The following ELP3 variants were observed in gnomAD, a reference collection of about 807,000 sequenced individuals.
The protein encoded by ELP3 is elongator complex protein 3.
In ELP3, 56 loss-of-function variants were observed where a neutral mutation model predicts 74.9. The ratio of observed to expected loss-of-function variants is 0.75; its 90% CI spans 0.60 to 0.93. The LOEUF (loss-of-function observed/expected upper bound fraction) is 0.93, where lower values mean the gene tolerates loss of function less well. Ranked by LOEUF, ELP3 falls within the 40% of genes least tolerant of loss-of-function variation. The pLI, the probability that ELP3 is intolerant of heterozygous loss-of-function variation, is 0.00. For synonymous variants in ELP3, 222 were observed against 239.8 expected, an observed-to-expected ratio of 0.93 and a Z score of 0.68; for missense variants, 573 against 686.5, an observed-to-expected ratio of 0.83 and a Z score of 1.85.
At position 28,179,345 on chromosome 8, in the gene ELP3, G is replaced by A. The variant is rs115432109; in HGVS notation, c.1568-10304G>A. 6.7e-3 allele frequency among the ~76,000 whole-genome samples: 1,027 copies of A among 152,238 alleles called. 10 individuals carry two copies. Among genetic ancestry groups the A allele is most frequent in the African/African-American group, 0.023 (951 of 41,534 alleles). On this transcript the variant is annotated intron_variant, in intron 14 of 14. Transcript: ENST00000256398. ...CTGTTTTACTGTTGATGGATATTTC[G>A]GTAGTTTGCACACATTGTTTTCTTT...
chr8:28,090,903 C>CTTTTTTTTTTTTT (rs1563239681), upstream of ELP3, among the ~76,000 whole-genome samples: 1 of 53,146 alleles, frequency 1.9e-5, no homozygotes. Context: ...GTAAATGTTT[C>CTTTTTTTTTTTTT]CTTTTTTTTT....
chr8:28,146,500 A>G (rs1333231512), intron 10 of ELP3, among the ~76,000 whole-genome samples: 2 of 152,222 alleles, frequency 1.3e-5, no homozygotes, highest in Non-Finnish European at 2.9e-5. Context: ...ATGTTCTTGT[A>G]TGTAATCGAT....
At chr8:28,095,185 T>A (rs1811205598) in intron 1 of ELP3, among the ~76,000 whole-genome samples, 1 of 152,244 alleles carries the variant, frequency 6.6e-6, no homozygotes, top group East Asian at 1.9e-4. Flanking sequence ...TGTCCAAATC[T>A]TGCCCTATCT....
At chr8:28,152,089 T>G (rs1325227615) in intron 10 of ELP3, among the ~76,000 whole-genome samples, 1 of 152,160 alleles carries the variant, frequency 6.6e-6, no homozygotes, top group Non-Finnish European at 1.5e-5. Flanking sequence ...GAGTCTCTGG[T>G]CTCTGTTCTG....
chr8:28,090,357 G>A (rs1475025754), upstream of ELP3: 1 of 381,290 alleles, frequency 2.6e-6, no homozygotes. Flanking sequence ...CAACTCTGGA[G>A]CCCAGGATGT....
At chr8:28,180,706 G>A (rs1417440699) in intron 14 of ELP3, among the ~76,000 whole-genome samples, 1 of 152,174 alleles carries the variant, frequency 6.6e-6, no homozygotes, top group Non-Finnish European at 1.5e-5. Flanking sequence ...GTTTCCTTTA[G>A]CCAGGCATCT....
At chr8:28,132,167 G>A in intron 8 of ELP3, 111 bp from the exon 9 acceptor site, 3 of 1,175,714 alleles carry the variant, frequency 2.6e-6, no homozygotes, top group Admixed American at 4.3e-5. Flanking sequence ...ACCTGTCTCA[G>A]AGATTGTTTT....
intron 14 of ELP3, among the ~76,000 whole-genome samples, chr8:28,184,185 A>G (rs1815139654): frequency 6.6e-6 from 1 of 152,178 alleles, no homozygotes; most frequent in African/African-American, 2.4e-5. Context: ...AACAAGAGGC[A>G]GAAAGAAATT....
rs1245086293 is a variant in ELP3, at chr8:28,113,061, G to C, written c.505G>C (p.Val169Leu). ...TAGTGTGGATAAAGTGGAGTTTATT[G>C]TGATGGGTGGAACGTTTATGGCCCT... ...GHSVDKVEFI[V>L]MGGTFMALPE... is the part of the protein sequence containing the mutation. Residue 169 changes from valine (V) to leucine (L), a missense_variant, in exon 7 of 15, where the codon GTG becomes CTG. Transcript: ENST00000256398. 6.2e-7 allele frequency: 1 copy of C among 1,613,898 alleles called. No homozygotes were observed. Among genetic ancestry groups the C allele is most frequent in the Non-Finnish European group, 8.5e-7 (1 of 1,179,910 alleles).
At chr8:28,102,938 G>A (rs1481522928) in intron 3 of ELP3, among the ~76,000 whole-genome samples, 1 of 152,200 alleles carries the variant, frequency 6.6e-6, no homozygotes, top group Non-Finnish European at 1.5e-5. Context: ...GGGAGGCTGA[G>A]GCAGGCAGAT....
chr8:28,167,547 C>A (rs1814356092), intron 14 of ELP3, among the ~76,000 whole-genome samples: 1 of 152,180 alleles, frequency 6.6e-6, no homozygotes, highest in Non-Finnish European at 1.5e-5. Context: ...AAAATGGACT[C>A]ATAATCCTTA....
At chr8:28,167,704 C>T (rs1814362305) in intron 14 of ELP3, among the ~76,000 whole-genome samples, 1 of 151,122 alleles carries the variant, frequency 6.6e-6, no homozygotes, top group South Asian at 2.1e-4. Flanking sequence ...AGTGTTTGTC[C>T]TTTTGTACTA....
chr8:28,154,683 C>T (rs1004869312), intron 10 of ELP3, among the ~76,000 whole-genome samples: 1 of 152,014 alleles, frequency 6.6e-6, no homozygotes, highest in Non-Finnish European at 1.5e-5. Context: ...ATATTTTTTA[C>T]TTTAGTAGCC....
In ELP3 at chr8:28,147,157, A is replaced by G. The variant is rs1813466390; in HGVS notation, c.1101-8785A>G. On this transcript the variant is annotated intron_variant, in intron 10 of 14. Transcript: ENST00000256398. This position sits in a 1 kb window ranked among gnomAD's most constrained non-coding sequence, Gnocchi z 4.5. ...TTATCATACAGTTCTGCTTACCAAC[A>G]CTGTATGTAAAACCTTCCCTAGAGA... Among the ~76,000 whole-genome samples the G allele has an allele frequency of 6.6e-6, 1 of 152,162 alleles. No individual in the cohort carries two copies.
At chr8:28,157,121 T>A (rs1246919368) in intron 11 of ELP3, among the ~76,000 whole-genome samples, 20 of 152,156 alleles carry the variant, frequency 1.3e-4, no homozygotes, top group Admixed American at 1.3e-3. Context: ...TCCATCCATC[T>A]TCTTTAACCC....
At chr8:28,098,297 A>G (rs1198009655) in intron 2 of ELP3, among the ~76,000 whole-genome samples, 2 of 152,068 alleles carry the variant, frequency 1.3e-5, no homozygotes, top group African/African-American at 4.8e-5. Flanking sequence ...TAATCATCAC[A>G]TACAGGAATG....
rs1430904080 is a variant in ELP3 at position 28,093,174 on chromosome 8, T to A, written c.-41T>A. The A allele has an allele frequency of 1.2e-6, 2 of 1,609,932 alleles. No individual in the cohort carries two copies. The highest frequency in any genetic ancestry group is 1.7e-6 in the Non-Finnish European group (2 of 1,178,972). On this transcript the variant is annotated 5_prime_UTR_variant, in exon 1 of 15. Coordinates refer to ENST00000256398, the MANE Select transcript of ELP3 (RefSeq NM_018091.6). ...TTTCCCCGTGGTCTGAGTTTGTGGC[T>A]GCATTTTTATCTCTGGTGGCTCTGC...
chr8:28,145,816 G>A (rs755876445), intron 10 of ELP3, among the ~76,000 whole-genome samples: 8 of 152,108 alleles, frequency 5.3e-5, no homozygotes, highest in Non-Finnish European at 1.2e-4. Flanking sequence ...TAGAGACGGG[G>A]TTTCGCCATG....
chr8:28,139,156 A>G (rs1343311152), intron 10 of ELP3, among the ~76,000 whole-genome samples: 2 of 152,168 alleles, frequency 1.3e-5, no homozygotes, highest in African/African-American at 4.8e-5. Context: ...CACCAAGGGC[A>G]GATCTGGTAC....
Sources: allele counts gnomAD v4.1 joint callset (sites outside exome capture counted in the v4.1 genomes callset), GRCh38; gene constraint gnomAD v4.1.1; non-coding constraint Gnocchi (gnomAD v3.1); transcripts MANE v1.5; gene names NCBI Gene and HGNC (gene_info 2026-07-23, HGNC 2026-07-21).